TBL1X: variants seen among roughly 807,000 people sequenced by gnomAD.
TBL1X encodes transducin beta like 1 X-linked.
A neutral mutation model predicts 50.7 loss-of-function variants in TBL1X; 10 were observed. The observed-to-expected ratio is 0.20, with a 90% CI of 0.12 to 0.33. TBL1X has a LOEUF of 0.33. Ranked by LOEUF, TBL1X falls within the 10% of genes least tolerant of loss-of-function variation. TBL1X has a pLI of 1.00. For synonymous variants in TBL1X, 190 were observed against 214.7 expected (o/e 0.88, Z 1.01); for missense variants, 340 against 504.4 (o/e 0.67, Z 3.12).
chrX:9,585,820 T>C (rs1343979768), intron 2 of TBL1X, among the ~76,000 whole-genome samples: 1 of 111,996 alleles, frequency 8.9e-6, no homozygotes, highest in Non-Finnish European at 1.9e-5. Flanking sequence ...TATGTCCAAG[T>C]CAGGTCACAT....
At chrX:9,613,998 A>G (rs1198205731) in intron 2 of TBL1X, among the ~76,000 whole-genome samples, 3 of 108,998 alleles carry the variant, frequency 2.8e-5, no homozygotes, top group South Asian at 3.9e-4. Context: ...AAAAAAAAAA[A>G]AAAAAGAAAA....
At chrX:9,517,965 G>C (rs1036983971) in intron 2 of TBL1X, among the ~76,000 whole-genome samples, 1 of 110,052 alleles carries the variant, frequency 9.1e-6, no homozygotes, top group Non-Finnish European at 1.9e-5. Flanking sequence ...TAAAATAAAA[G>C]CCAGGCATGG....
intron 1 of TBL1X, among the ~76,000 whole-genome samples, chrX:9,498,950 T>C (rs1440314213): frequency 9.0e-6 from 1 of 111,551 alleles, no homozygotes; most frequent in Non-Finnish European, 1.9e-5. Context: ...GCTTGGGGTC[T>C]TGGGCTTGGG....
rs1439577530 is a variant in TBL1X, at chrX:9,548,366, G to T, written c.-131+46517G>T. 2.7e-5 allele frequency among the ~76,000 whole-genome samples: 3 copies of T among 111,560 alleles called. No individual in the cohort carries two copies. In the East Asian group the frequency reaches 8.4e-4, roughly 31 times the overall value. On this transcript the variant is annotated intron_variant, in intron 2 of 17. Transcript: ENST00000645353. ...TTTTTACTCACCTCTTCAGTTCATTGCCATTACTTTTTGCCTTATCTTTTT... is the reference window on the plus strand; with the variant it reads ...TTTTTACTCACCTCTTCAGTTCATTTCCATTACTTTTTGCCTTATCTTTTT...
At chrX:9,619,203 C>T (rs1468464834) in intron 2 of TBL1X, among the ~76,000 whole-genome samples, 1 of 112,332 alleles carries the variant, frequency 8.9e-6, no homozygotes, top group African/African-American at 3.2e-5. Flanking sequence ...CAGTGAGACA[C>T]CACCCCCCGC....
intron 2 of TBL1X, among the ~76,000 whole-genome samples, chrX:9,525,851 GT>G (rs1341633398): frequency 3.6e-5 from 4 of 110,322 alleles, no homozygotes; most frequent in African/African-American, 1.3e-4. Context: ...GAGATTTTGT[GT>G]TTAAAAAAAA....
intron 13 of TBL1X, among the ~76,000 whole-genome samples, chrX:9,708,975 C>T (rs1243126130): frequency 8.9e-6 from 1 of 112,309 alleles, no homozygotes; most frequent in Non-Finnish European, 1.9e-5. Flanking sequence ...CTTCACTTGC[C>T]TTCCTTCCTA....
intron 2 of TBL1X, among the ~76,000 whole-genome samples, chrX:9,541,391 T>C (rs1392552352): frequency 9.0e-6 from 1 of 111,410 alleles, no homozygotes; most frequent in East Asian, 2.8e-4. Context: ...AACAACAAAC[T>C]GCAAAAATCG....
intron 1 of TBL1X, among the ~76,000 whole-genome samples, chrX:9,492,482 AG>A (rs1446433273): frequency 8.9e-6 from 1 of 112,100 alleles, no homozygotes; most frequent in Non-Finnish European, 1.9e-5. Flanking sequence ...TAACAGTTTC[AG>A]ATGTCATTAT....
intron 2 of TBL1X, among the ~76,000 whole-genome samples, chrX:9,598,125 T>C (rs550582818): frequency 9.0e-6 from 1 of 111,522 alleles, no homozygotes; most frequent in African/African-American, 3.3e-5. Flanking sequence ...GGAGACAGGC[T>C]CAGAACAGAT....
chrX:9,599,133 G>A (rs182226903), intron 2 of TBL1X, among the ~76,000 whole-genome samples: 107 of 109,559 alleles, frequency 9.8e-4, no homozygotes, highest in Middle Eastern at 4.7e-3. Context: ...TAGTAGAGAC[G>A]GGGTTTCACC....
rs771845517 is a variant in TBL1X at position 9,564,812 on chromosome X, C to T, written c.-131+62963C>T. Among the ~76,000 whole-genome samples, 14 of 108,889 alleles carry T rather than the reference C, an allele frequency of 1.3e-4. No individual in the cohort carries two copies. The South Asian group carries it at 2.3e-3, about 18-fold the overall frequency. 94.6% of individuals were successfully genotyped at this position (108,889 alleles called of 115,157 possible). On this transcript the variant is annotated intron_variant, in intron 2 of 17. Transcript: ENST00000645353. Reference sequence around the variant, plus strand: ...GTGGGAGGGATGTGGGTGGGTGTTGCGGGAGGAAGGGCATGGAACTGACAA... The same window carrying T: ...GTGGGAGGGATGTGGGTGGGTGTTGTGGGAGGAAGGGCATGGAACTGACAA...
chrX:9,491,339 T>TATATATATATA (rs1491249258), intron 1 of TBL1X, among the ~76,000 whole-genome samples: 3 of 19,219 alleles, frequency 1.6e-4, no homozygotes, highest in South Asian at 1.8e-3. Context: ...TATATATATA[T>TATATATATATA]TTTTTTTTTT....
intron 6 of TBL1X, among the ~76,000 whole-genome samples, 168 bp downstream of exon 6, chrX:9,684,356 A>G (rs1239232513): frequency 2.7e-5 from 3 of 110,902 alleles, no homozygotes; most frequent in Non-Finnish European, 5.7e-5. Context: ...AGGCCGAGGC[A>G]GGAAGTCTAC....
intron 2 of TBL1X, among the ~76,000 whole-genome samples, chrX:9,604,401 TC>T (rs3216374): frequency 9.2e-6 from 1 of 108,658 alleles, no homozygotes; most frequent in Non-Finnish European, 1.9e-5. Flanking sequence ...TATTTCACTT[TC>T]CCCCCCTTTT....
intron 2 of TBL1X, among the ~76,000 whole-genome samples, chrX:9,551,488 T>C (rs2082270850): frequency 9.0e-6 from 1 of 111,491 alleles, no homozygotes; most frequent in African/African-American, 3.3e-5. Context: ...TAGTTCACGG[T>C]GTCCCAATTT....
At chrX:9,514,760 A>G (rs1475420184) in intron 2 of TBL1X, among the ~76,000 whole-genome samples, 1 of 43,585 alleles carries the variant, frequency 2.3e-5, no homozygotes, top group Non-Finnish European at 6.4e-5. Context: ...TGGAGCCCTT[A>G]CTTGGATTTC....
At chrX:9,524,246 G>A (rs746401729) in intron 2 of TBL1X, among the ~76,000 whole-genome samples, 5 of 112,097 alleles carry the variant, frequency 4.5e-5, no homozygotes, top group Non-Finnish European at 9.4e-5. Context: ...GGGATTACAG[G>A]CGTGAGCCAG....
At chrX:9,522,718 A>T (rs1279031327) in intron 2 of TBL1X, among the ~76,000 whole-genome samples, 1 of 111,859 alleles carries the variant, frequency 8.9e-6, no homozygotes, top group Non-Finnish European at 1.9e-5. Context: ...GGCTCTAAGG[A>T]GAAGCAGTTG....
Sources: allele counts gnomAD v4.1 joint callset (sites outside exome capture counted in the v4.1 genomes callset), GRCh38; gene constraint gnomAD v4.1.1; transcripts MANE v1.5; gene names NCBI Gene and HGNC (gene_info 2026-07-23, HGNC 2026-07-21).